MPP7: variants seen among roughly 807,000 people sequenced by gnomAD.
The protein encoded by MPP7 is MAGUK p55 subfamily member 7.
In MPP7, 60 loss-of-function variants were observed where a neutral mutation model predicts 76.5. The observed-to-expected ratio is 0.78, with a 90% CI of 0.64 to 0.97. MPP7 has a LOEUF of 0.97. Among genes scored for constraint, MPP7 ranks in the 50% least tolerant of loss-of-function variants. The pLI, the probability that MPP7 is intolerant of heterozygous loss-of-function variation, is 0.00. For synonymous variants in MPP7, 237 were observed against 244.5 expected, an observed-to-expected ratio of 0.97 and a Z score of 0.29; for missense variants, 641 against 694.0, an observed-to-expected ratio of 0.92 and a Z score of 0.86.
At chr10:28,065,632 C>A (rs1229492561) in intron 13 of MPP7, among the ~76,000 whole-genome samples, 2 of 152,124 alleles carry the variant, frequency 1.3e-5, no homozygotes, top group African/African-American at 4.8e-5. Context: ...AAATAGGAGC[C>A]CTCTTCCCAT....
At chr10:28,245,988 T>C (rs1224968197) in intron 1 of MPP7, among the ~76,000 whole-genome samples, 2 of 151,690 alleles carry the variant, frequency 1.3e-5, no homozygotes, top group African/African-American at 2.4e-5. Context: ...AAGAACCTAA[T>C]GGGACACCAT....
chr10:28,233,940 G>A lies in MPP7; in HGVS notation c.37+4628C>T, dbSNP rs1838981018. ...GCAGAGGGAAAGAAGAGAGAAGACA[G>A]AAGAGGGAAGAGAGAAGAGAGAGGA... On this transcript the variant is annotated intron_variant, in intron 2 of 16. Transcript: ENST00000683449. Among the ~76,000 whole-genome samples the A allele has an allele frequency of 2.0e-5, 3 of 151,560 alleles. No homozygotes were observed. In the South Asian group the frequency reaches 6.3e-4, roughly 32 times the overall value.
chr10:28,303,193 TC>T (rs1841210654), upstream of MPP7: 1 of 151,132 alleles, frequency 6.6e-6, no homozygotes, highest in Non-Finnish European at 1.5e-5. Flanking sequence ...AAGACGCCTC[TC>T]CAGCAGAACT....
At chr10:28,318,048 G>A (rs915915761) in intron 2 of MPP7, among the ~76,000 whole-genome samples, 1 of 152,160 alleles carries the variant, frequency 6.6e-6, no homozygotes, top group Non-Finnish European at 1.5e-5. Context: ...ATGAGCATGT[G>A]TCATCTATTT....
chr10:28,199,293 C>T (rs1837693463), intron 3 of MPP7, among the ~76,000 whole-genome samples: 1 of 152,158 alleles, frequency 6.6e-6, no homozygotes, highest in Non-Finnish European at 1.5e-5. Flanking sequence ...CAATATGAGA[C>T]TTCTCAGGCA....
chr10:28,189,391 T>C (rs758434389), intron 3 of MPP7, among the ~76,000 whole-genome samples: 35 of 151,614 alleles, frequency 2.3e-4, no homozygotes, highest in Non-Finnish European at 4.4e-4. Context: ...AGCAAAACCC[T>C]GTCTCTACAA....
At chr10:28,106,881 C>T (rs1241030037) in intron 11 of MPP7, among the ~76,000 whole-genome samples, 1 of 152,062 alleles carries the variant, frequency 6.6e-6, no homozygotes, top group East Asian at 1.9e-4. Context: ...CTAAAGAAAC[C>T]CATATTTCTG....
At chr10:28,244,195 C>CACTATTCTA in intron 1 of MPP7, among the ~76,000 whole-genome samples, 1 of 152,258 alleles carries the variant, frequency 6.6e-6, no homozygotes, top group East Asian at 1.9e-4. Context: ...TCCTTACATC[C>CACTATTCTA]TATCTGCTAG....
chr10:28,168,540 A>T (rs996398606), intron 3 of MPP7, among the ~76,000 whole-genome samples: 1 of 151,674 alleles, frequency 6.6e-6, no homozygotes. Context: ...TTGTTTTGAA[A>T]CAGAGTCTCG....
chr10:28,088,687 A>G (rs1853139241), intron 12 of MPP7, among the ~76,000 whole-genome samples: 1 of 152,136 alleles, frequency 6.6e-6, no homozygotes, highest in Non-Finnish European at 1.5e-5. Context: ...ACTTTTCTAA[A>G]ATCATTGGCT....
At chr10:28,097,856 A>C (rs1853641086) in intron 11 of MPP7, among the ~76,000 whole-genome samples, 1 of 152,184 alleles carries the variant, frequency 6.6e-6, no homozygotes. Flanking sequence ...ACTTATTCTC[A>C]AATGCTTGTA....
intron 11 of MPP7, among the ~76,000 whole-genome samples, chr10:28,093,990 A>G (rs1195276302): frequency 6.6e-6 from 1 of 152,212 alleles, no homozygotes; most frequent in Non-Finnish European, 1.5e-5. Flanking sequence ...TGCTTCATGT[A>G]AATTTCAACA....
chr10:28,306,138 C>T (rs1407612179), upstream of MPP7, among the ~76,000 whole-genome samples: 1 of 152,172 alleles, frequency 6.6e-6, no homozygotes, highest in Non-Finnish European at 1.5e-5. Flanking sequence ...AGATCCAGCC[C>T]TCACTATGGA....
chr10:28,063,342 A>G (rs1325014514), intron 13 of MPP7, among the ~76,000 whole-genome samples: 1 of 151,952 alleles, frequency 6.6e-6, no homozygotes, highest in East Asian at 1.9e-4. Flanking sequence ...CACACCTGTA[A>G]TCCCACCTAC....
intron 11 of MPP7, among the ~76,000 whole-genome samples, chr10:28,102,514 T>G (rs1853872976): frequency 6.6e-6 from 1 of 152,176 alleles, no homozygotes; most frequent in Admixed American, 6.5e-5. Flanking sequence ...AAAGTATAAT[T>G]CTCATAAAAA....
chr10:28,283,988 C>T (rs75773474), intron 1 of MPP7, among the ~76,000 whole-genome samples: 1,579 of 152,138 alleles, frequency 0.01, 30 homozygotes, highest in East Asian at 0.071. Context: ...TTAGAAGCAC[C>T]CAGGATAACA....
intron 11 of MPP7, among the ~76,000 whole-genome samples, chr10:28,112,212 T>A (rs1834526929): frequency 6.6e-6 from 1 of 152,202 alleles, no homozygotes; most frequent in Admixed American, 6.5e-5. Context: ...AACGATATGA[T>A]GTGGCTTAGG....
chr10:28,279,768 G>T (rs183947739), intron 1 of MPP7, among the ~76,000 whole-genome samples: 4 of 151,840 alleles, frequency 2.6e-5, no homozygotes, highest in Non-Finnish European at 4.4e-5. Context: ...AGGCATCAGG[G>T]ATGTAAGTTT....
At chr10:28,270,697 AT>A (rs937581456) in intron 1 of MPP7, among the ~76,000 whole-genome samples, 5 of 152,142 alleles carry the variant, frequency 3.3e-5, no homozygotes, top group Non-Finnish European at 7.3e-5. Context: ...GAAGCAAAAT[AT>A]TTATCATTAA....
Sources: allele counts gnomAD v4.1 joint callset (sites outside exome capture counted in the v4.1 genomes callset), GRCh38; gene constraint gnomAD v4.1.1; transcripts MANE v1.5; gene names NCBI Gene and HGNC (gene_info 2026-07-23, HGNC 2026-07-21).